The following DNAJB6 variants were observed in gnomAD, a reference collection of about 807,000 sequenced individuals.
The protein encoded by DNAJB6 is dnaJ homolog subfamily B member 6.
In DNAJB6, 16 loss-of-function variants were observed where a neutral mutation model predicts 42.7. The ratio of observed to expected loss-of-function variants is 0.37; its 90% CI spans 0.25 to 0.57. DNAJB6 has a LOEUF of 0.57. Among genes scored for constraint, DNAJB6 ranks in the 20% least tolerant of loss-of-function variants. The probability of loss-of-function intolerance (pLI) is 0.74; values close to 1 mark genes in which losing one functional copy is unlikely to be tolerated. For synonymous variants in DNAJB6, 170 were observed against 163.5 expected (o/e 1.04, Z -0.30); for missense variants, 347 against 416.8 (o/e 0.83, Z 1.46).
intron 5 of DNAJB6, among the ~76,000 whole-genome samples, chr7:157,377,271 A>C (rs576514524): frequency 1.2e-3 from 189 of 152,324 alleles, no homozygotes; most frequent in Middle Eastern, 3.4e-3. Context: ...GGACAATTTC[A>C]AATGGTTTGT....
Position 157,398,583 on chromosome 7 carries a change from A to C in DNAJB6, c.692-11212A>C, listed in dbSNP as rs1485707614. Reference sequence around the variant, plus strand: ...CGCGGCAGCTGCGGAACATTCCTCTAATAGCTTCTCGATGATTTCAGTGTG... The same window carrying C: ...CGCGGCAGCTGCGGAACATTCCTCTCATAGCTTCTCGATGATTTCAGTGTG... On this transcript the variant is annotated intron_variant, in intron 8 of 9. Coordinates refer to ENST00000262177, the MANE Select transcript of DNAJB6 (RefSeq NM_058246.4). 6.6e-5 allele frequency among the ~76,000 whole-genome samples: 10 copies of C among 152,342 alleles called. No individual in the cohort carries two copies. In the South Asian group the frequency reaches 1.9e-3, roughly 28 times the overall value.
chr7:157,366,709 GA>G (rs1245531993), intron 4 of DNAJB6, 148 bp downstream of exon 4: 1 of 681,646 alleles, frequency 1.5e-6, no homozygotes, highest in Non-Finnish European at 2.5e-6. Flanking sequence ...AGAGGACAGA[GA>G]AATTGATGGC....
Position 157,382,262 on chromosome 7 carries a change from C to G in DNAJB6, c.363C>G (p.Asp121Glu). The change falls in exon 6 of 10, where the codon GAC becomes GAG. Residue 121 changes from aspartate (D) to glutamate (E), a missense_variant. This residue lies in a region of DNAJB6 where 264 missense variants were observed against 288.0 expected (regional missense o/e 0.92). Transcript: ENST00000262177. ...TGATTTTAGAAGACCCTTTTGAGGACTTCTTTGGGAATCGAAGGGGTCCCC... is the reference window on the plus strand; with the variant it reads ...TGATTTTAGAAGACCCTTTTGAGGAGTTCTTTGGGAATCGAAGGGGTCCCC... The part of the protein sequence containing the change: ...SFDFFEDPFE[D>E]FFGNRRGPRG... 1 of 1,604,088 alleles carries G rather than the reference C, an allele frequency of 6.2e-7. No individual in the cohort carries two copies. The highest frequency in any genetic ancestry group is 8.5e-7 in the Non-Finnish European group (1 of 1,177,348).
intron 8 of DNAJB6, among the ~76,000 whole-genome samples, chr7:157,387,746 A>G (rs573217134): frequency 6.6e-6 from 1 of 152,338 alleles, no homozygotes; most frequent in Admixed American, 6.5e-5. Context: ...TACAGGTAAA[A>G]TATGTTTGAC....
intron 2 of DNAJB6, among the ~76,000 whole-genome samples, chr7:157,360,393 A>G (rs1002999068): frequency 2.0e-5 from 3 of 152,204 alleles, no homozygotes; most frequent in Admixed American, 1.3e-4. Flanking sequence ...TCTGGGAGTT[A>G]CAACTCAAGT....
intron 8 of DNAJB6, among the ~76,000 whole-genome samples, chr7:157,406,097 CTGTTCAGACCAACTG>C (rs1453300908): frequency 6.6e-6 from 1 of 152,254 alleles, no homozygotes; most frequent in Non-Finnish European, 1.5e-5. Flanking sequence ...GGCAGTCCTC[CTGTTCAGACCAACTG>C]TGTGTCCCTT....
chr7:157,385,446 T>G, intron 7 of DNAJB6, 95 bp from the exon 8 acceptor site: 1 of 1,271,448 alleles, frequency 7.9e-7, no homozygotes, highest in Non-Finnish European at 1.1e-6. Context: ...CTTATATTCA[T>G]GGTGTATTTC....
At chr7:157,377,630 C>T (rs1800538811) in intron 5 of DNAJB6, among the ~76,000 whole-genome samples, 1 of 152,176 alleles carries the variant, frequency 6.6e-6, no homozygotes, top group South Asian at 2.1e-4. Context: ...GTGGGGATCA[C>T]AGGCCCCCAG....
intron 5 of DNAJB6, among the ~76,000 whole-genome samples, chr7:157,368,293 G>T (rs1013642445): frequency 6.6e-6 from 1 of 152,176 alleles, no homozygotes; most frequent in Admixed American, 6.5e-5. Context: ...GCATGGGTGC[G>T]AGTGTCTTGG....
chr7:157,403,460 G>A (rs1450843400), intron 8 of DNAJB6, among the ~76,000 whole-genome samples: 1 of 152,182 alleles, frequency 6.6e-6, no homozygotes, highest in East Asian at 1.9e-4. Flanking sequence ...AGGGAGGTGT[G>A]TGGCTTTTTT....
chr7:157,396,634 C>T (rs570220122), intron 8 of DNAJB6, among the ~76,000 whole-genome samples: 127 of 152,332 alleles, frequency 8.3e-4, no homozygotes, highest in Non-Finnish European at 1.0e-3. Context: ...AGTCCACTCT[C>T]TCTGCTGCCC....
rs60663292 is a variant in DNAJB6 at position 157,401,757 on chromosome 7, TAGAAAC to T, written c.692-8034_692-8029del. Among the ~76,000 whole-genome samples, 899 of 152,252 alleles carry T rather than the reference TAGAAAC, an allele frequency of 5.9e-3. 9 individuals carry two copies. Among genetic ancestry groups the T allele is most frequent in the African/African-American group, 0.021 (866 of 41,546 alleles). On this transcript the variant is annotated intron_variant, in intron 8 of 9. Coordinates refer to ENST00000262177, the MANE Select transcript of DNAJB6 (RefSeq NM_058246.4). ...AATAAAGAGGTTCCCGCCTATTAGATAGAAACAGAGGTGGGAACAGGACCGAGGCGG... is the reference window on the plus strand; with the variant it reads ...AATAAAGAGGTTCCCGCCTATTAGATAGAGGTGGGAACAGGACCGAGGCGG...
chr7:157,342,412 A>C (rs1461146603), intron 1 of DNAJB6, among the ~76,000 whole-genome samples: 1 of 130,216 alleles, frequency 7.7e-6, no homozygotes, highest in African/African-American at 3.0e-5. Flanking sequence ...ATCTCAGCTC[A>C]CTGCAACCTC....
chr7:157,340,998 G>GTGTGTGTGCGCGCGCGCGCGCGCGCT (rs67210462), intron 1 of DNAJB6, among the ~76,000 whole-genome samples: 45 of 135,038 alleles, frequency 3.3e-4, no homozygotes, highest in Non-Finnish European at 5.3e-4. Flanking sequence ...GTGTGTGTGT[G>GTGTGTGTGCGCGCGCGCGCGCGCGCT]CGCGCGCGCA....
intron 1 of DNAJB6, among the ~76,000 whole-genome samples, chr7:157,353,587 G>GTA (rs1491212059): frequency 6.2e-5 from 1 of 16,102 alleles, no homozygotes; most frequent in Non-Finnish European, 1.5e-4. Flanking sequence ...CTTGACCGGG[G>GTA]TGTGTGTGTG....
At chr7:157,402,698 G>A (rs1230344981) in intron 8 of DNAJB6, among the ~76,000 whole-genome samples, 2 of 152,218 alleles carry the variant, frequency 1.3e-5, no homozygotes, top group South Asian at 2.1e-4. Context: ...AGGGGCCTAC[G>A]GTGCATGGGT....
rs1343138188 is a variant in DNAJB6 at position 157,382,479 on chromosome 7, C to T, written c.478+102C>T. 5.4e-6 allele frequency: 7 copies of T among 1,307,146 alleles called. No homozygotes were observed. In the East Asian group the frequency reaches 7.7e-5, roughly 14 times the overall value. 81.0% of individuals were successfully genotyped at this position (1,307,146 alleles called of 1,614,324 possible). ...AGAGTGCTTTAAAATATGTGTATAC[C>T]TTTCGTAGAATAGCATTGTGGATTT... On this transcript the variant is annotated intron_variant, in intron 6 of 9. Transcript: ENST00000262177.
At chr7:157,410,049 C>T in intron 9 of DNAJB6, 48 bp downstream of exon 9, 1 of 1,485,808 alleles carries the variant, frequency 6.7e-7, no homozygotes, top group African/African-American at 1.4e-5. Flanking sequence ...TGAGACTTCT[C>T]TGGGTGCCAG....
At chr7:157,344,737 TC>T (rs1798597949) in intron 1 of DNAJB6, among the ~76,000 whole-genome samples, 1 of 152,092 alleles carries the variant, frequency 6.6e-6, no homozygotes, top group African/African-American at 2.4e-5. Flanking sequence ...CTCAGCCACT[TC>T]CAGTAGCTGG....
Sources: allele counts gnomAD v4.1 joint callset (sites outside exome capture counted in the v4.1 genomes callset), GRCh38; gene constraint gnomAD v4.1.1; regional missense constraint gnomAD v4.1.1; transcripts MANE v1.5; gene names NCBI Gene and HGNC (gene_info 2026-07-23, HGNC 2026-07-21).